TSC22D1: variants seen among roughly 807,000 people sequenced by gnomAD.
TSC22D1 encodes TSC22 domain family member 1.
A neutral mutation model predicts 74.2 loss-of-function variants in TSC22D1; 9 were observed. The ratio of observed to expected loss-of-function variants is 0.12; its 90% CI spans 0.07 to 0.21. The LOEUF is 0.21. Ranked by LOEUF, TSC22D1 falls within the 10% of genes least tolerant of loss-of-function variation. The probability of loss-of-function intolerance (pLI) is 1.00; values close to 1 mark genes in which losing one functional copy is unlikely to be tolerated. For synonymous variants in TSC22D1, 586 were observed against 492.5 expected, an observed-to-expected ratio of 1.19 and a Z score of -2.51; for missense variants, 1,427 against 1,304.7, an observed-to-expected ratio of 1.09 and a Z score of -1.44.
At chr13:44,539,775 T>C in intron 1 of TSC22D1, 1 of 1,280,398 alleles carries the variant, frequency 7.8e-7, no homozygotes, top group Non-Finnish European at 1.0e-6. Context: ...ACTTGTTTAT[T>C]ATCCTTTCCC....
chr13:44,502,086 G>A (rs145690060), intron 1 of TSC22D1, among the ~76,000 whole-genome samples: 20 of 152,018 alleles, frequency 1.3e-4, no homozygotes, highest in East Asian at 7.7e-4. Context: ...CTCTCCTATC[G>A]TTTCAATATA....
Position 44,575,140 on chromosome 13 carries a change from G to C in TSC22D1, c.935C>G (p.Thr312Arg). 2 of 1,614,158 alleles carry C rather than the reference G, an allele frequency of 1.2e-6. No individual in the cohort carries two copies. The highest frequency in any genetic ancestry group is 2.2e-5 in the East Asian group (1 of 44,880). Residue 312 changes from threonine to arginine, a missense_variant, in exon 1 of 3, where the codon ACA (threonine) becomes AGA (arginine). Coordinates refer to ENST00000458659, the MANE Select transcript of TSC22D1 (RefSeq NM_183422.4). ...IGINSVTGTS[T>R]VNNVNITAVG... Reference sequence around the variant, plus strand: ...AGCAGTAATGTTAACATTATTTACTGTACTAGTGCCAGTAACAGAATTTAT... The same window carrying C: ...AGCAGTAATGTTAACATTATTTACTCTACTAGTGCCAGTAACAGAATTTAT...
At chr13:44,492,745 G>C (rs767578433) in intron 1 of TSC22D1, among the ~76,000 whole-genome samples, 3 of 152,088 alleles carry the variant, frequency 2.0e-5, no homozygotes, top group African/African-American at 4.8e-5. Flanking sequence ...ACTATGATGT[G>C]TTAGCTTTAA....
At chr13:44,509,092 C>A (rs1297548461) in intron 1 of TSC22D1, among the ~76,000 whole-genome samples, 1 of 152,018 alleles carries the variant, frequency 6.6e-6, no homozygotes, top group East Asian at 1.9e-4. Context: ...ACCCAAGACC[C>A]AATATAAAGT....
At chr13:44,453,751 T>C (rs917387675) in intron 1 of TSC22D1, among the ~76,000 whole-genome samples, 3 of 152,352 alleles carry the variant, frequency 2.0e-5, no homozygotes, top group Non-Finnish European at 4.4e-5. Context: ...TAAATGTTAC[T>C]TCTAGTCATC....
intron 1 of TSC22D1, among the ~76,000 whole-genome samples, chr13:44,487,512 AAAAAAAAAAAAAAAAGAAAAG>A (rs1878494112): frequency 6.7e-6 from 1 of 148,344 alleles, no homozygotes; most frequent in Non-Finnish European, 1.5e-5. Context: ...AAAAAAAAAA[AAAAAAAAAAAAAAAAGAAAAG>A]AAAAAGAAAT....
chr13:44,485,804 A>G (rs1447426846), intron 1 of TSC22D1, among the ~76,000 whole-genome samples: 2 of 152,108 alleles, frequency 1.3e-5, no homozygotes, highest in African/African-American at 4.8e-5. Context: ...AATACTGTCA[A>G]ATTTGTAGAA....
intron 1 of TSC22D1, among the ~76,000 whole-genome samples, chr13:44,453,589 G>C (rs1876332664): frequency 1.3e-5 from 2 of 152,190 alleles, no homozygotes; most frequent in African/African-American, 4.8e-5. Flanking sequence ...TTAACAAATG[G>C]CAGAGCCAAG....
intron 1 of TSC22D1, among the ~76,000 whole-genome samples, chr13:44,441,531 G>A (rs1015037730): frequency 2.0e-5 from 3 of 152,112 alleles, no homozygotes; most frequent in African/African-American, 7.2e-5. Context: ...GTTTAAAACT[G>A]CTAAATCCTA....
At chr13:44,570,080 A>G (rs1003742908) in intron 1 of TSC22D1, among the ~76,000 whole-genome samples, 2 of 152,228 alleles carry the variant, frequency 1.3e-5, no homozygotes, top group African/African-American at 4.8e-5. Flanking sequence ...TTTCACGTTA[A>G]GAGGCTGTGC....
At chr13:44,441,641 A>T (rs545889213) in intron 1 of TSC22D1, among the ~76,000 whole-genome samples, 35 of 152,314 alleles carry the variant, frequency 2.3e-4, no homozygotes, top group Non-Finnish European at 3.5e-4. Flanking sequence ...AAAATGAGAA[A>T]AAACAACTAA....
chr13:44,558,767 G>A (rs1290271432), intron 1 of TSC22D1, among the ~76,000 whole-genome samples: 3 of 152,010 alleles, frequency 2.0e-5, no homozygotes, highest in Non-Finnish European at 4.4e-5. Context: ...TAAACATTAT[G>A]TACCTTCACC....
At chr13:44,447,838 T>TC (rs560577533) in intron 1 of TSC22D1, among the ~76,000 whole-genome samples, 22 of 149,128 alleles carry the variant, frequency 1.5e-4, no homozygotes, top group Middle Eastern at 3.4e-3. Flanking sequence ...CTTTTCTTTT[T>TC]TTTTTTTTTT....
At chr13:44,453,476 T>C (rs375330964) in intron 1 of TSC22D1, among the ~76,000 whole-genome samples, 1 of 152,232 alleles carries the variant, frequency 6.6e-6, no homozygotes, top group East Asian at 1.9e-4. Flanking sequence ...AAATAACTGT[T>C]TATATCTTTA....
chr13:44,548,863 T>C (rs1206902435), intron 1 of TSC22D1, among the ~76,000 whole-genome samples: 1 of 152,164 alleles, frequency 6.6e-6, no homozygotes, highest in Admixed American at 6.5e-5. Context: ...ATAACAAATA[T>C]ATAAGATAGA....
rs773060660 is a variant in TSC22D1, at chr13:44,573,495, G to A, written c.2580C>T (p.Thr860=). Reference sequence around the variant, plus strand: ...CCAAATTACCATTTTGGGTAGCAGGGGTTTGTGCTATATTTTGTGGTGGAA... The same window carrying A: ...CCAAATTACCATTTTGGGTAGCAGGAGTTTGTGCTATATTTTGTGGTGGAA... ...NLVPPQNIAQ[T]PATQNGNLVQ... Residue 860 remains threonine, a synonymous_variant, in exon 1 of 3, where the codon ACC becomes ACT. Coordinates refer to ENST00000458659, the MANE Select transcript of TSC22D1 (RefSeq NM_183422.4). The A allele has an allele frequency of 1.2e-6, 2 of 1,614,182 alleles. No homozygotes were observed. Among genetic ancestry groups the A allele is most frequent in the Admixed American group, 3.3e-5 (2 of 60,030 alleles).
chr13:44,492,519 T>A (rs894297147), intron 1 of TSC22D1, among the ~76,000 whole-genome samples: 6 of 148,984 alleles, frequency 4.0e-5, no homozygotes, highest in Non-Finnish European at 7.6e-5. Context: ...CAGACAAGAC[T>A]CTGTACAGGA....
chr13:44,558,813 G>A (rs1341199041), intron 1 of TSC22D1, among the ~76,000 whole-genome samples: 1 of 152,162 alleles, frequency 6.6e-6, no homozygotes, highest in Admixed American at 6.5e-5. Flanking sequence ...AAGGATTAGG[G>A]TGTGATATCA....
At chr13:44,465,890 T>G (rs1214218366) in intron 1 of TSC22D1, among the ~76,000 whole-genome samples, 1 of 152,108 alleles carries the variant, frequency 6.6e-6, no homozygotes, top group Non-Finnish European at 1.5e-5. Context: ...GGAGAATCGC[T>G]TGAACCCAGG....
Sources: gnomAD v4.1 joint callset for allele counts (sites outside exome capture counted in the v4.1 genomes callset) on GRCh38, gnomAD v4.1.1 for gene constraint, MANE v1.5 for transcripts, NCBI Gene and HGNC (gene_info 2026-07-23, HGNC 2026-07-21) for gene names.